Variants in DNAAF9 observed in about 807,000 individuals in gnomAD.
DNAAF9 encodes the protein shulin.
In DNAAF9, 90 loss-of-function variants were observed where a neutral mutation model predicts 167.0. That is an observed-to-expected ratio of 0.54 (90% CI 0.45 to 0.64). DNAAF9 has a LOEUF of 0.64. Ranked by LOEUF, DNAAF9 falls within the 30% of genes least tolerant of loss-of-function variation. DNAAF9 has a pLI of 0.00. For missense variants in DNAAF9, 1,315 were observed against 1,442.2 expected (o/e 0.91, Z 1.43); for synonymous variants, 491 against 508.8 (o/e 0.96, Z 0.47).
intron 1 of DNAAF9, among the ~76,000 whole-genome samples, chr20:3,396,640 T>G (rs2083911339): frequency 6.6e-6 from 1 of 152,018 alleles, no homozygotes; most frequent in Non-Finnish European, 1.5e-5. Context: ...TACCTTTGCA[T>G]AAAGACCTAA....
chr20:3,278,864 T>C (rs754981396), intron 29 of DNAAF9, 48 bp downstream of exon 29: 4 of 1,315,804 alleles, frequency 3.0e-6, no homozygotes, highest in African/African-American at 1.4e-5. Flanking sequence ...TGCTGAATTC[T>C]ACTGAACTTG....
At chr20:3,268,930 G>A (rs1452599732) in intron 30 of DNAAF9, among the ~76,000 whole-genome samples, 1 of 95,776 alleles carries the variant, frequency 1.0e-5, no homozygotes, top group African/African-American at 4.4e-5. Flanking sequence ...TTGAGACAGA[G>A]GCTCTGTTGC....
chr20:3,345,101 T>G (rs999961433), intron 8 of DNAAF9, among the ~76,000 whole-genome samples: 2 of 152,046 alleles, frequency 1.3e-5, no homozygotes, highest in Non-Finnish European at 2.9e-5. Flanking sequence ...TTACTGCAAC[T>G]TTCGCCTCCC....
At chr20:3,404,473 T>A (rs1293724068) in intron 1 of DNAAF9, among the ~76,000 whole-genome samples, 4 of 152,238 alleles carry the variant, frequency 2.6e-5, no homozygotes. Context: ...CTTTTCTTCT[T>A]CTAGTGTTCT....
At chr20:3,283,350 C>T (rs928431679) in intron 27 of DNAAF9, among the ~76,000 whole-genome samples, 2 of 152,188 alleles carry the variant, frequency 1.3e-5, no homozygotes, top group Non-Finnish European at 2.9e-5. Context: ...GCTTTATCCC[C>T]AGACTGCAAT....
At chr20:3,296,002 C>T (rs2069069687) in intron 23 of DNAAF9, 4 of 1,444,164 alleles carry the variant, frequency 2.8e-6, no homozygotes, top group Non-Finnish European at 3.9e-6. Flanking sequence ...CCATGTTGTA[C>T]ACATCGGGAA....
At chr20:3,318,234 CAAAAA>C (rs59462924) in intron 17 of DNAAF9, 50 bp downstream of exon 17, 912 of 619,256 alleles carry the variant, frequency 1.5e-3, no homozygotes, top group South Asian at 2.4e-3. Flanking sequence ...TTTATTTTGC[CAAAAA>C]AAAAAAAAAA....
At chr20:3,348,480 A>ACAG in intron 8 of DNAAF9, 45 bp downstream of exon 8, 1 of 998,958 alleles carries the variant, frequency 1.0e-6, no homozygotes, top group Non-Finnish European at 1.5e-6. Flanking sequence ...AACAATAAAT[A>ACAG]AATTAACCAT....
rs908742909 is a variant in DNAAF9, at chr20:3,288,348, G to A, written c.2328-558C>T. On this transcript the variant is annotated intron_variant, in intron 26 of 36. Transcript: ENST00000252032. ...GCCTGTAATCCCAGCTACTTGGGGG[G>A]CTGAGGCAGGAGAATCGCTTGACCC... is the stretch of plus-strand genomic sequence containing the variant. 3.9e-5 allele frequency among the ~76,000 whole-genome samples: 6 copies of A among 152,362 alleles called. No homozygotes were observed. In the East Asian group the frequency reaches 1.2e-3, roughly 29 times the overall value.
intron 1 of DNAAF9, among the ~76,000 whole-genome samples, chr20:3,394,819 T>A (rs1483783368): frequency 6.6e-6 from 1 of 152,150 alleles, no homozygotes; most frequent in Admixed American, 6.6e-5. Context: ...AAAAAAATAA[T>A]CAGAGCTTTA....
intron 25 of DNAAF9, among the ~76,000 whole-genome samples, chr20:3,291,117 G>A (rs1031387509): frequency 6.6e-6 from 1 of 152,058 alleles, no homozygotes; most frequent in Non-Finnish European, 1.5e-5. Flanking sequence ...CTCACTGTGC[G>A]TGTGAAGCAC....
intron 29 of DNAAF9, among the ~76,000 whole-genome samples, chr20:3,273,941 C>T (rs1363115632): frequency 6.6e-6 from 1 of 152,120 alleles, no homozygotes; most frequent in South Asian, 2.1e-4. Context: ...CTGTTCTGCA[C>T]CTTTTCCCCC....
intron 16 of DNAAF9, among the ~76,000 whole-genome samples, chr20:3,319,153 T>C (rs1321987868): frequency 7.0e-6 from 1 of 143,692 alleles, no homozygotes; most frequent in Non-Finnish European, 1.5e-5. Flanking sequence ...GTCTCTGTTA[T>C]TCAGGAGGCT....
chr20:3,288,825 AG>A lies in DNAAF9; in HGVS notation c.2328-1036del, dbSNP rs758896308. ...ACCTGTTCCAGCTGCATCTGAACTCAGGCAGTCTCCTTGTGCTCATGGGAGG... is the reference window on the plus strand; with the variant it reads ...ACCTGTTCCAGCTGCATCTGAACTCAGCAGTCTCCTTGTGCTCATGGGAGG... On this transcript the variant is annotated intron_variant, in intron 26 of 36. Coordinates refer to ENST00000252032, the MANE Select transcript of DNAAF9 (RefSeq NM_001009984.3). Among the ~76,000 whole-genome samples, 7 of 152,294 alleles carry A rather than the reference AG, an allele frequency of 4.6e-5. No homozygotes were observed. In the East Asian group the frequency reaches 7.7e-4, roughly 17 times the overall value.
chr20:3,308,954 C>G (rs1460000069), intron 20 of DNAAF9, among the ~76,000 whole-genome samples: 2 of 152,122 alleles, frequency 1.3e-5, no homozygotes, highest in Admixed American at 6.5e-5. Flanking sequence ...ACATTCATGA[C>G]CTCATCTAAC....
chr20:3,371,519 A>ATT (rs1443413643), intron 6 of DNAAF9, among the ~76,000 whole-genome samples: 8 of 151,106 alleles, frequency 5.3e-5, no homozygotes, highest in South Asian at 2.1e-4. Flanking sequence ...AATTTTTTGT[A>ATT]TTTTTAGTAG....
chr20:3,297,801 T>G (rs2069107709), intron 22 of DNAAF9, among the ~76,000 whole-genome samples: 1 of 152,170 alleles, frequency 6.6e-6, no homozygotes. Flanking sequence ...AGATTTTTCT[T>G]AAAGGCTAAA....
intron 6 of DNAAF9, among the ~76,000 whole-genome samples, chr20:3,366,233 G>A (rs924721025): frequency 2.6e-5 from 4 of 152,120 alleles, no homozygotes; most frequent in East Asian, 1.9e-4. Context: ...CTTGAAAGTC[G>A]AAATGACTTG....
At chr20:3,253,186 A>G (rs2068222573) in intron 36 of DNAAF9, among the ~76,000 whole-genome samples, 1 of 152,160 alleles carries the variant, frequency 6.6e-6, no homozygotes, top group Admixed American at 6.5e-5. Flanking sequence ...TCATGTCTGT[A>G]ATCCCAGCAC....
Sources: gnomAD v4.1 joint callset for allele counts (sites outside exome capture counted in the v4.1 genomes callset) on GRCh38, gnomAD v4.1.1 for gene constraint, MANE v1.5 for transcripts, NCBI Gene and HGNC (gene_info 2026-07-23, HGNC 2026-07-21) for gene names.